The following ARHGAP26 variants were observed in gnomAD, a reference collection of about 807,000 sequenced individuals.
ARHGAP26 encodes Rho GTPase activating protein 26, also known as rho GTPase-activating protein 26.
ARHGAP26 carries 38 observed loss-of-function variants against 104.8 expected under a neutral mutation model. That is an observed-to-expected ratio of 0.36 (90% CI 0.28 to 0.48). The LOEUF (loss-of-function observed/expected upper bound fraction) is 0.48. Ranked by LOEUF, ARHGAP26 falls within the 20% of genes least tolerant of loss-of-function variation. The pLI is 0.99. For missense variants in ARHGAP26, 704 were observed against 947.9 expected (o/e 0.74, Z 3.38); for synonymous variants, 341 against 340.0 (o/e 1.00, Z -0.03).
intron 17 of ARHGAP26, among the ~76,000 whole-genome samples, chr5:143,074,194 T>C (rs1788660392): frequency 6.6e-6 from 1 of 152,222 alleles, no homozygotes; most frequent in Non-Finnish European, 1.5e-5. Flanking sequence ...TTAGTGACCT[T>C]TCCTGTTATA....
chr5:142,819,207 G>C lies in ARHGAP26; in HGVS notation c.154+48292G>C, dbSNP rs112298497. ...CCAAGTCGAAAACATTCCTCAGTTT[G>C]CTTGTCTAACGTCAATTAACAAGTT... is the stretch of plus-strand genomic sequence containing the variant. On this transcript the variant is annotated intron_variant, in intron 1 of 22. Transcript: ENST00000645722. Among the ~76,000 whole-genome samples the C allele has an allele frequency of 3.3e-3, 502 of 152,286 alleles. 1 individual carries two copies. The highest frequency in any genetic ancestry group is 5.9e-3 in the Non-Finnish European group (398 of 68,016).
chr5:142,786,654 A>ATTTTTTTTTT (rs70991779), intron 1 of ARHGAP26, among the ~76,000 whole-genome samples: 1 of 104,486 alleles, frequency 9.6e-6, no homozygotes, highest in African/African-American at 3.4e-5. Context: ...GAGTTCTAGA[A>ATTTTTTTTTT]TTTTTTTTTT....
chr5:142,965,912 C>G (rs572576394), intron 11 of ARHGAP26, among the ~76,000 whole-genome samples: 1 of 152,026 alleles, frequency 6.6e-6, no homozygotes, highest in Non-Finnish European at 1.5e-5. Context: ...ATAGTTGGAG[C>G]GTTGTGTTTT....
chr5:143,018,007 A>G (rs1029039603), intron 12 of ARHGAP26, among the ~76,000 whole-genome samples: 2 of 152,198 alleles, frequency 1.3e-5, no homozygotes. Context: ...AACTCTCACC[A>G]GTATTCAGCT....
chr5:143,041,163 T>C (rs1389245730), intron 13 of ARHGAP26, among the ~76,000 whole-genome samples: 1 of 152,214 alleles, frequency 6.6e-6, no homozygotes, highest in Non-Finnish European at 1.5e-5. Context: ...ATCTAATCCA[T>C]GTATTTAAAT....
At chr5:142,911,063 A>C (rs1022635220) in intron 9 of ARHGAP26, among the ~76,000 whole-genome samples, 5 of 152,230 alleles carry the variant, frequency 3.3e-5, no homozygotes, top group Middle Eastern at 3.4e-3. Flanking sequence ...TCATAGCTTC[A>C]GATCTGGAGT....
At chr5:143,130,951 A>G (rs1358312687) in intron 18 of ARHGAP26, among the ~76,000 whole-genome samples, 5 of 152,228 alleles carry the variant, frequency 3.3e-5, no homozygotes, top group Non-Finnish European at 7.3e-5. Flanking sequence ...TTCCTTGCAC[A>G]TTATCTCATT....
At chr5:143,030,008 C>G (rs560059576) in intron 12 of ARHGAP26, among the ~76,000 whole-genome samples, 1 of 152,102 alleles carries the variant, frequency 6.6e-6, no homozygotes, top group African/African-American at 2.4e-5. Flanking sequence ...GGGGCATGTC[C>G]TAGTGTGCTG....
In ARHGAP26 at chr5:143,107,083, G is replaced by A. The variant is rs756634520; in HGVS notation, c.1539-13905G>A. On this transcript the variant is annotated intron_variant, in intron 17 of 22. Transcript: ENST00000645722. The stretch of plus-strand genomic sequence containing the variant: ...TATTTGCCGTCGGAATGAAAGCAGG[G>A]ATCTTGTCAGTCTCGTTCACTTCTT... 3.3e-5 allele frequency among the ~76,000 whole-genome samples: 5 copies of A among 152,158 alleles called. 1 individual carries two copies. The highest frequency in any genetic ancestry group is 6.5e-5 in the Admixed American group (1 of 15,290).
intron 1 of ARHGAP26, among the ~76,000 whole-genome samples, chr5:142,814,465 G>C (rs1338023465): frequency 2.0e-5 from 3 of 152,244 alleles, no homozygotes; most frequent in Admixed American, 1.3e-4. Context: ...AAGAGTTGGA[G>C]TGTTTTGAAA....
chr5:143,197,927 C>G (rs1049390086), intron 20 of ARHGAP26, among the ~76,000 whole-genome samples: 8 of 152,244 alleles, frequency 5.3e-5, no homozygotes, highest in Non-Finnish European at 1.2e-4. Context: ...ATGATAAATT[C>G]CTAACAGTAT....
At chr5:143,117,973 A>ATACC in intron 17 of ARHGAP26, among the ~76,000 whole-genome samples, 1 of 152,374 alleles carries the variant, frequency 6.6e-6, no homozygotes, top group Admixed American at 6.5e-5. Context: ...ACCAAATAAA[A>ATACC]TACCATACTT....
intron 11 of ARHGAP26, among the ~76,000 whole-genome samples, chr5:142,982,343 G>A (rs1319601171): frequency 6.6e-6 from 1 of 152,240 alleles, no homozygotes; most frequent in East Asian, 1.9e-4. Context: ...ATTTTGTTCA[G>A]CTGTATGAAT....
intron 1 of ARHGAP26, among the ~76,000 whole-genome samples, chr5:142,790,298 A>G (rs1597628503): frequency 2.0e-5 from 3 of 152,332 alleles, no homozygotes; most frequent in Admixed American, 2.0e-4. Flanking sequence ...TTCTGGGCCT[A>G]TAGTTGGTGA....
At chr5:143,091,998 A>G (rs957076604) in intron 17 of ARHGAP26, among the ~76,000 whole-genome samples, 2 of 152,198 alleles carry the variant, frequency 1.3e-5, no homozygotes, top group Non-Finnish European at 2.9e-5. Context: ...CACCTTGCAC[A>G]TAAACTGTTT....
intron 1 of ARHGAP26, among the ~76,000 whole-genome samples, chr5:142,811,568 C>T (rs1324263721): frequency 6.6e-6 from 1 of 152,168 alleles, no homozygotes; most frequent in African/African-American, 2.4e-5. Flanking sequence ...GTTCTAGGCT[C>T]TAAGGATTTG....
rs1200888313 is a variant in ARHGAP26, at chr5:143,225,947, T to A, written c.*3501T>A. ...CTTGAAGACTAAAGATTTTACTCTC[T>A]CCCCTATCCATGCCCCCTACCTCTG... On this transcript the variant is annotated 3_prime_UTR_variant, in exon 23 of 23. Transcript: ENST00000645722. 4.6e-6 allele frequency: 1 copy of A among 219,272 alleles called. No homozygotes were observed. Among genetic ancestry groups the A allele is most frequent in the African/African-American group, 2.2e-5 (1 of 44,450 alleles). The allele number at this position is 219,272 out of a possible 1,614,324, so 13.6% of individuals were successfully genotyped here.
chr5:143,151,803 A>G (rs10452529), intron 20 of ARHGAP26, among the ~76,000 whole-genome samples: 3,693 of 152,132 alleles, frequency 0.024, 114 homozygotes, highest in African/African-American at 0.072. Context: ...TAAAAATGCA[A>G]AAAAATTAGC....
chr5:142,872,591 C>G (rs1487900068), intron 1 of ARHGAP26, among the ~76,000 whole-genome samples: 1 of 152,242 alleles, frequency 6.6e-6, no homozygotes, highest in African/African-American at 2.4e-5. Context: ...ATGTTGAAGA[C>G]TCCGGAAGGA....
Sources: allele counts gnomAD v4.1 joint callset (sites outside exome capture counted in the v4.1 genomes callset), GRCh38; gene constraint gnomAD v4.1.1; transcripts MANE v1.5; gene names NCBI Gene and HGNC (gene_info 2026-07-23, HGNC 2026-07-21).